Variants in GALNT10 observed in about 807,000 individuals in gnomAD.
GALNT10 encodes the protein polypeptide N-acetylgalactosaminyltransferase 10, also known as GalNAc transferase 10.
In GALNT10, 41 loss-of-function variants were observed where a neutral mutation model predicts 75.0. That is an observed-to-expected ratio of 0.55 (90% CI 0.43 to 0.71). The LOEUF (loss-of-function observed/expected upper bound fraction) is 0.71. GALNT10 is among the 30% of genes least tolerant of loss of function. The pLI is 0.00. For missense variants in GALNT10, 727 were observed against 818.5 expected, an observed-to-expected ratio of 0.89 and a Z score of 1.36; for synonymous variants, 302 against 313.0, an observed-to-expected ratio of 0.96 and a Z score of 0.37.
chr5:154,195,410 A>G (rs1243911797), intron 1 of GALNT10, among the ~76,000 whole-genome samples: 3 of 152,246 alleles, frequency 2.0e-5, no homozygotes, highest in African/African-American at 7.2e-5. Context: ...GAGTGGGGAA[A>G]GGAGGTAGCG....
chr5:154,409,625 G>C lies in GALNT10; in HGVS notation c.1249G>C (p.Ala417Pro). ...CCGGCCTGAATACCGCCACCTCTCC[G>C]CTGGGGATGTCGCAGTCCAGAAAAA... ...QRRPEYRHLS[A>P]GDVAVQKKLR... is the part of the protein sequence containing the mutation. The change falls in exon 9 of 12, where the codon GCT becomes CCT. Residue 417 changes from alanine to proline, a missense_variant. Transcript: ENST00000297107. The surrounding 1 kb of genome is among the most constrained non-coding windows in gnomAD (Gnocchi z 4.5). 6.2e-7 allele frequency: 1 copy of C among 1,613,428 alleles called. No individual in the cohort carries two copies.
At chr5:154,227,914 G>A (rs970730800) in intron 1 of GALNT10, among the ~76,000 whole-genome samples, 5 of 152,152 alleles carry the variant, frequency 3.3e-5, no homozygotes, top group Non-Finnish European at 7.4e-5. Context: ...TGGAGGTGGG[G>A]CTTGGTGGGA....
chr5:154,276,537 T>C (rs1242424697), intron 1 of GALNT10, among the ~76,000 whole-genome samples: 1 of 152,180 alleles, frequency 6.6e-6, no homozygotes, highest in Admixed American at 6.5e-5. Context: ...TATTCACAGG[T>C]TCCATCTCCA....
intron 1 of GALNT10, among the ~76,000 whole-genome samples, chr5:154,241,963 G>C (rs1007882018): frequency 6.6e-6 from 1 of 152,130 alleles, no homozygotes; most frequent in Non-Finnish European, 1.5e-5. Context: ...TTTGGGAACA[G>C]GCTTCTTATT....
At chr5:154,275,786 A>G (rs991753990) in intron 1 of GALNT10, among the ~76,000 whole-genome samples, 3 of 152,170 alleles carry the variant, frequency 2.0e-5, no homozygotes, top group Non-Finnish European at 4.4e-5. Flanking sequence ...GAACAAGGAA[A>G]ATGTGCCTGG....
intron 1 of GALNT10, among the ~76,000 whole-genome samples, chr5:154,268,466 T>A (rs1351948345): frequency 1.3e-5 from 2 of 152,040 alleles, no homozygotes; most frequent in African/African-American, 2.4e-5. Context: ...ACATTAGAGT[T>A]AAGGAGCCCC....
At chr5:154,294,334 C>A (rs943878254) in intron 1 of GALNT10, among the ~76,000 whole-genome samples, 3 of 152,010 alleles carry the variant, frequency 2.0e-5, no homozygotes, top group African/African-American at 7.3e-5. Flanking sequence ...ACCTTGTCTC[C>A]CACTCCCCAT....
At chr5:154,191,653 TGG>T (rs1774862905) in intron 1 of GALNT10, among the ~76,000 whole-genome samples, 1 of 152,182 alleles carries the variant, frequency 6.6e-6, no homozygotes, top group Admixed American at 6.5e-5. Flanking sequence ...TTCAAGCCCC[TGG>T]GGGTGGAGAA....
intron 5 of GALNT10, among the ~76,000 whole-genome samples, chr5:154,378,678 A>T (rs1215243653): frequency 6.6e-6 from 1 of 152,196 alleles, no homozygotes; most frequent in African/African-American, 2.4e-5. Context: ...AGGCTCAGAG[A>T]CATCAGATAG....
chr5:154,279,509 G>T lies in GALNT10; in HGVS notation c.160-15307G>T, dbSNP rs183513292. Among the ~76,000 whole-genome samples the T allele has an allele frequency of 2.2e-3, 328 of 151,958 alleles. 2 individuals are homozygous for T. The South Asian group carries it at 0.03, about 14-fold the overall frequency. On this transcript the variant is annotated intron_variant, in intron 1 of 11. Coordinates refer to ENST00000297107, the MANE Select transcript of GALNT10 (RefSeq NM_198321.4). ...GTAGAGACGGGGTTTCACCATGTTGGCCAGGCTGGTCTCGAACTCCTGACC... is the reference window on the plus strand; with the variant it reads ...GTAGAGACGGGGTTTCACCATGTTGTCCAGGCTGGTCTCGAACTCCTGACC...
intron 4 of GALNT10, among the ~76,000 whole-genome samples, chr5:154,366,542 A>G (rs779275181): frequency 1.8e-4 from 28 of 152,206 alleles, no homozygotes; most frequent in African/African-American, 4.6e-4. Flanking sequence ...GTTAGGTCCA[A>G]TTCCCTCAGA....
At position 154,380,269 on chromosome 5, in the gene GALNT10, G is replaced by A. The variant is rs140866110; in HGVS notation, c.755-179G>A. Among the ~76,000 whole-genome samples the A allele has an allele frequency of 1.3e-3, 200 of 152,236 alleles. 1 individual carries two copies. The highest frequency in any genetic ancestry group is 4.6e-3 in the African/African-American group (191 of 41,532). Reference sequence around the variant, plus strand: ...CTCAGGGCCCCATGGAGAGTAAAAGGACTGAGATGAGAGCCTCGGTCCCTC... The same window carrying A: ...CTCAGGGCCCCATGGAGAGTAAAAGAACTGAGATGAGAGCCTCGGTCCCTC... On this transcript the variant is annotated intron_variant, in intron 5 of 11. Transcript: ENST00000297107.
intron 4 of GALNT10, 24 bp downstream of exon 4, chr5:154,329,762 C>T (rs1261948429): frequency 6.3e-7 from 1 of 1,576,046 alleles, no homozygotes; most frequent in African/African-American, 1.3e-5. Flanking sequence ...CACCCAGCCT[C>T]CCACCCTCTG....
chr5:154,308,370 G>A lies in GALNT10; in HGVS notation c.401+10291G>A, dbSNP rs1754465341. ...CTTGCCCCCATAATAATGTGGCCTTGGTGATGCTGAGTTTGGCTCGAGGAG... is the reference window on the plus strand; with the variant it reads ...CTTGCCCCCATAATAATGTGGCCTTAGTGATGCTGAGTTTGGCTCGAGGAG... On this transcript the variant is annotated intron_variant, in intron 3 of 11. Transcript: ENST00000297107. 2.0e-5 allele frequency among the ~76,000 whole-genome samples: 3 copies of A among 152,078 alleles called. No individual in the cohort carries two copies. The South Asian group carries it at 6.2e-4, about 32-fold the overall frequency.
At chr5:154,329,825 G>A in intron 4 of GALNT10, 87 bp downstream of exon 4, 4 of 900,892 alleles carry the variant, frequency 4.4e-6, no homozygotes, top group South Asian at 1.5e-5. Context: ...TTCTTTAGCA[G>A]CATCAACATA....
intron 7 of GALNT10, among the ~76,000 whole-genome samples, chr5:154,395,048 C>T (rs563794104): frequency 1.3e-5 from 2 of 152,210 alleles, no homozygotes; most frequent in African/African-American, 2.4e-5. Context: ...TCCAAGGAGA[C>T]GGCTCAAAGG....
chr5:154,211,721 A>C (rs555755641), intron 1 of GALNT10, among the ~76,000 whole-genome samples: 1 of 152,246 alleles, frequency 6.6e-6, no homozygotes, highest in East Asian at 1.9e-4. Flanking sequence ...TCTCAACCGG[A>C]GCCGGTTAAT....
At chr5:154,268,715 C>A (rs1753813732) in intron 1 of GALNT10, among the ~76,000 whole-genome samples, 2 of 152,140 alleles carry the variant, frequency 1.3e-5, no homozygotes, top group African/African-American at 4.8e-5. Context: ...GTTGTAACAC[C>A]TGAGATTTAT....
intron 1 of GALNT10, among the ~76,000 whole-genome samples, chr5:154,196,496 A>G (rs1380153146): frequency 6.6e-6 from 1 of 152,064 alleles, no homozygotes; most frequent in Admixed American, 6.6e-5. Flanking sequence ...GGTTTGTGGC[A>G]TTGTCAGGGC....
Sources: allele counts gnomAD v4.1 joint callset (sites outside exome capture counted in the v4.1 genomes callset), GRCh38; gene constraint gnomAD v4.1.1; non-coding constraint Gnocchi (gnomAD v3.1); transcripts MANE v1.5; gene names NCBI Gene and HGNC (gene_info 2026-07-23, HGNC 2026-07-21).